Variants in SCUBE1 observed in about 807,000 individuals in gnomAD.
SCUBE1 encodes signal peptide, CUB domain and EGF like domain containing 1, also known as signal peptide, CUB and EGF-like domain-containing protein 1.
Under a neutral mutation model 124.4 loss-of-function variants are expected in SCUBE1, and 59 were observed. The ratio of observed to expected loss-of-function variants is 0.47; its 90% confidence interval spans 0.38 to 0.59. The LOEUF is 0.59. SCUBE1 is among the 20% of genes least tolerant of loss of function. The pLI is 0.00. For synonymous variants in SCUBE1, 545 were observed against 550.9 expected (o/e 0.99, Z 0.15); for missense variants, 1,150 against 1,371.2 (o/e 0.84, Z 2.55).
chr22:43,263,265 T>C (rs1428773985), intron 4 of SCUBE1, among the ~76,000 whole-genome samples: 1 of 152,106 alleles, frequency 6.6e-6, no homozygotes, highest in African/African-American at 2.4e-5. Flanking sequence ...GGATCTCCCC[T>C]CTCTGTCTGC....
intron 3 of SCUBE1, 58 bp from the exon 4 acceptor site, chr22:43,291,238 T>C (rs2146751909): frequency 1.3e-6 from 2 of 1,572,566 alleles, no homozygotes; most frequent in South Asian, 1.1e-5. Context: ...AAGCAGGGCA[T>C]GAGGGGCTGG....
At chr22:43,295,523 G>C (rs1181102327) in intron 3 of SCUBE1, among the ~76,000 whole-genome samples, 1 of 151,828 alleles carries the variant, frequency 6.6e-6, no homozygotes, top group African/African-American at 2.4e-5. Context: ...AGTCCCAGGG[G>C]GCAGAGTGCT....
At chr22:43,230,486 C>A (rs1601813981) in intron 8 of SCUBE1, among the ~76,000 whole-genome samples, 1 of 152,210 alleles carries the variant, frequency 6.6e-6, no homozygotes, top group East Asian at 1.9e-4. Flanking sequence ...CAGGGCCTCA[C>A]AAGCGATCTC....
At chr22:43,304,092 G>A (rs1925875063) in intron 3 of SCUBE1, among the ~76,000 whole-genome samples, 1 of 152,206 alleles carries the variant, frequency 6.6e-6, no homozygotes, top group African/African-American at 2.4e-5. Context: ...CCTTCAGAGA[G>A]CTCCCCAGAA....
chr22:43,231,913 G>A, intron 7 of SCUBE1, 38 bp from the exon 8 acceptor site: 1 of 1,605,416 alleles, frequency 6.2e-7, no homozygotes. Flanking sequence ...TGAGAGCCAG[G>A]AGAATCAGCT....
At chr22:43,277,933 T>C (rs773788275) in intron 4 of SCUBE1, among the ~76,000 whole-genome samples, 2 of 152,248 alleles carry the variant, frequency 1.3e-5, no homozygotes, top group Non-Finnish European at 2.9e-5. Context: ...GGGTTGCAGC[T>C]CTCCCTGCCC....
intron 3 of SCUBE1, among the ~76,000 whole-genome samples, chr22:43,295,527 G>A (rs1925524533): frequency 6.6e-6 from 1 of 152,268 alleles, no homozygotes; most frequent in Admixed American, 6.5e-5. Context: ...CCAGGGGGCA[G>A]AGTGCTGTCC....
chr22:43,201,572 T>C lies in SCUBE1; in HGVS notation c.*2425A>G, dbSNP rs986047991. ...GGAGGAGGAAGGGAGAATCCTCCCTTTGGGAGCTGGGACATCCATCTTCCT... is the reference window on the plus strand; with the variant it reads ...GGAGGAGGAAGGGAGAATCCTCCCTCTGGGAGCTGGGACATCCATCTTCCT... On this transcript the variant is annotated 3_prime_UTR_variant, in exon 22 of 22. Transcript: ENST00000360835. 5.9e-5 allele frequency: 9 copies of C among 151,684 alleles called. No homozygotes were observed. The highest frequency in any genetic ancestry group is 1.7e-4 in the African/African-American group (7 of 41,288). 9.4% of individuals were successfully genotyped at this position (151,684 alleles called of 1,614,324 possible). A position where few individuals can be genotyped will look rare whatever the true frequency, so the allele number is the denominator to read the frequency against.
intron 21 of SCUBE1, 106 bp from the exon 22 acceptor site, chr22:43,204,255 T>G (rs1921128106): frequency 1.1e-6 from 1 of 934,106 alleles, no homozygotes. Context: ...CTGGTGGGTT[T>G]CAGGACCCCA....
At chr22:43,218,612 G>A (rs1921944422) in intron 14 of SCUBE1, among the ~76,000 whole-genome samples, 154 bp from the exon 15 acceptor site, 1 of 152,244 alleles carries the variant, frequency 6.6e-6, no homozygotes, top group Admixed American at 6.5e-5. Flanking sequence ...CCACTGTCAT[G>A]CCCATCTGAC....
intron 9 of SCUBE1, among the ~76,000 whole-genome samples, chr22:43,228,506 C>T (rs548014155): frequency 3.9e-5 from 6 of 152,232 alleles, no homozygotes; most frequent in South Asian, 2.1e-4. Flanking sequence ...AAACCCTCAA[C>T]TCCCCTGCGG....
At chr22:43,294,628 G>A (rs1601867936) in intron 3 of SCUBE1, among the ~76,000 whole-genome samples, 1 of 152,224 alleles carries the variant, frequency 6.6e-6, no homozygotes, top group Non-Finnish European at 1.5e-5. Context: ...TTGCCCTGTA[G>A]CCTGTGGGCG....
chr22:43,325,444 TAAAAAAAAAAAAAA>T (rs35598383), intron 2 of SCUBE1, among the ~76,000 whole-genome samples: 2 of 89,494 alleles, frequency 2.2e-5, no homozygotes, highest in Non-Finnish European at 4.0e-5. Flanking sequence ...ACTCCGTCTT[TAAAAAAAAAAAAAA>T]AAAAAAAAAA....
Position 43,203,088 on chromosome 22 carries a change from T to A in SCUBE1, c.*909A>T, listed in dbSNP as rs189371642. 7 of 152,200 alleles carry A rather than the reference T, an allele frequency of 4.6e-5. No individual in the cohort carries two copies. The highest frequency in any genetic ancestry group is 1.0e-4 in the Non-Finnish European group (7 of 68,024). The allele number at this position is 152,200 out of a possible 1,614,324, so 9.4% of individuals were successfully genotyped here. ...GATGTTGCTGGCAAGGGGACTGGGG[T>A]GAGGCCAACACTCCAGCAGAGCATC... is the stretch of plus-strand genomic sequence containing the variant. On this transcript the variant is annotated 3_prime_UTR_variant, in exon 22 of 22. Transcript: ENST00000360835.
At chr22:43,280,790 C>G (rs1924783697) in intron 4 of SCUBE1, among the ~76,000 whole-genome samples, 1 of 144,158 alleles carries the variant, frequency 6.9e-6, no homozygotes, top group Non-Finnish European at 1.5e-5. Context: ...TCATCTCCTC[C>G]TCAGCTACCC....
At chr22:43,206,700 G>A (rs1197280982) in intron 21 of SCUBE1, among the ~76,000 whole-genome samples, 7 of 152,202 alleles carry the variant, frequency 4.6e-5, no homozygotes, top group Admixed American at 4.6e-4. Context: ...GGGAGCTGCT[G>A]TGGAGGAGGA....
At chr22:43,228,127 T>A (rs1224404663) in intron 9 of SCUBE1, among the ~76,000 whole-genome samples, 1 of 152,196 alleles carries the variant, frequency 6.6e-6, no homozygotes, top group Non-Finnish European at 1.5e-5. Flanking sequence ...ATCACATTCT[T>A]GCCTGACCCT....
rs1922081178 is a variant in SCUBE1 at position 43,221,268 on chromosome 22, T to G, written c.1454A>C (p.Lys485Thr). ...TCGGATCTTGAAGCGGGCCTTCTGT[T>G]TGATGGGGGTGGTGGGGGCATCTGG... ...SCSDAPTTPI[K>T]QKARFKIRDA... The change falls in exon 13 of 22, where the codon AAA becomes ACA. Residue 485 changes from lysine to threonine, a missense_variant. Around this residue, in one of 3 missense-constraint regions of SCUBE1, gnomAD observed 757 missense variants for 840.9 expected, o/e 0.90. Transcript: ENST00000360835. 6.2e-7 allele frequency: 1 copy of G among 1,610,692 alleles called. No homozygotes were observed. Among genetic ancestry groups the G allele is most frequent in the East Asian group, 2.2e-5 (1 of 44,826 alleles).
In SCUBE1 at chr22:43,343,292, C is replaced by A. The variant is rs1195082764; in HGVS notation, c.-31G>T. On this transcript the variant is annotated 5_prime_UTR_variant, in exon 1 of 22. Coordinates refer to ENST00000360835, the MANE Select transcript of SCUBE1 (RefSeq NM_173050.5). The stretch of plus-strand genomic sequence containing the variant: ...ATGCGGGCCCCGCTGGGCGTGCGGG[C>A]GTGCGGGGCGCGGGGACCCGACCGA... The A allele has an allele frequency of 1.9e-5, 20 of 1,060,252 alleles. No individual in the cohort carries two copies. The South Asian group carries it at 8.0e-4, about 42-fold the overall frequency. The allele number at this position is 1,060,252 out of a possible 1,614,324, so 65.7% of individuals were successfully genotyped here. A position where few individuals can be genotyped will look rare whatever the true frequency, so the allele number is the denominator to read the frequency against.
Sources: gnomAD v4.1 joint callset for allele counts (sites outside exome capture counted in the v4.1 genomes callset) on GRCh38, gnomAD v4.1.1 for gene constraint, gnomAD v4.1.1 regional missense constraint, MANE v1.5 for transcripts, NCBI Gene and HGNC (gene_info 2026-07-23, HGNC 2026-07-21) for gene names.